The following MARK4 variants were observed in gnomAD, a reference collection of about 807,000 sequenced individuals.
MARK4 encodes microtubule affinity regulating kinase 4.
In MARK4, 19 loss-of-function variants were observed where a neutral mutation model predicts 81.5. The ratio of observed to expected loss-of-function variants is 0.23; its 90% CI spans 0.16 to 0.34. The LOEUF is 0.34. Ranked by LOEUF, MARK4 falls within the 10% of genes least tolerant of loss-of-function variation. The pLI is 1.00. For missense variants in MARK4, 772 were observed against 1,058.8 expected, an observed-to-expected ratio of 0.73 and a Z score of 3.76; for synonymous variants, 436 against 439.0, an observed-to-expected ratio of 0.99 and a Z score of 0.08.
chr19:45,263,232 C>T (rs542296675), intron 3 of MARK4, 66 bp downstream of exon 3: 2 of 1,613,554 alleles, frequency 1.2e-6, no homozygotes, highest in South Asian at 1.1e-5. Context: ...ACCCACCTGA[C>T]CCTTCCTGCG....
At chr19:45,289,783 A>G (rs1015490786) in intron 13 of MARK4, among the ~76,000 whole-genome samples, 4 of 151,768 alleles carry the variant, frequency 2.6e-5, no homozygotes, top group African/African-American at 9.7e-5. Context: ...ACAAAACAAA[A>G]CAAAACAAAA....
intron 1 of MARK4, among the ~76,000 whole-genome samples, chr19:45,255,640 T>C (rs899500511): frequency 6.6e-6 from 1 of 151,796 alleles, no homozygotes. Context: ...TTTCCCCACC[T>C]GTAAAATGGA....
chr19:45,281,367 CTT>C (rs71173137), intron 12 of MARK4, among the ~76,000 whole-genome samples: 1 of 132,052 alleles, frequency 7.6e-6, no homozygotes, highest in Non-Finnish European at 1.6e-5. Flanking sequence ...TCTTTTCTTT[CTT>C]TTTTTTTTTG....
At chr19:45,273,300 C>G (rs539947515) in intron 8 of MARK4, among the ~76,000 whole-genome samples, 1 of 152,266 alleles carries the variant, frequency 6.6e-6, no homozygotes, top group African/African-American at 2.4e-5. Context: ...TCTTTGCTGC[C>G]CTCATCGGCA....
chr19:45,277,433 A>T (rs967790581), intron 8 of MARK4, among the ~76,000 whole-genome samples: 23 of 131,836 alleles, frequency 1.7e-4, no homozygotes, highest in Non-Finnish European at 2.7e-4. Flanking sequence ...TGTAGCTTAA[A>T]TTTTTTTTTT....
At chr19:45,252,162 C>G (rs1463673133) in intron 1 of MARK4, among the ~76,000 whole-genome samples, 1 of 151,962 alleles carries the variant, frequency 6.6e-6, no homozygotes, top group Non-Finnish European at 1.5e-5. Context: ...CCCTCCAGGA[C>G]GCACCCAGGG....
chr19:45,262,810 G>A (rs2123036545), intron 2 of MARK4, among the ~76,000 whole-genome samples: 1 of 152,332 alleles, frequency 6.6e-6, no homozygotes, highest in South Asian at 2.1e-4. Context: ...AGCTGGGCCA[G>A]CTGGAGTGCA....
At chr19:45,296,863 A>G (rs1970894055) in intron 14 of MARK4, among the ~76,000 whole-genome samples, 1 of 152,162 alleles carries the variant, frequency 6.6e-6, no homozygotes, top group African/African-American at 2.4e-5. Flanking sequence ...CAGCCTGGCC[A>G]ACATGGTGAA....
intron 2 of MARK4, among the ~76,000 whole-genome samples, chr19:45,262,698 G>A (rs528875214): frequency 1.3e-5 from 2 of 152,220 alleles, no homozygotes; most frequent in African/African-American, 4.8e-5. Context: ...GACAGCTTGT[G>A]CAAAGGCCCT....
intron 1 of MARK4, among the ~76,000 whole-genome samples, chr19:45,254,726 T>G (rs964212376): frequency 6.6e-5 from 10 of 152,188 alleles, no homozygotes; most frequent in Admixed American, 1.3e-4. Flanking sequence ...TGCCCAGCTG[T>G]GGGGAGGTTG....
chr19:45,272,533 A>G (rs535750680), intron 8 of MARK4, among the ~76,000 whole-genome samples: 18 of 152,176 alleles, frequency 1.2e-4, no homozygotes, highest in Non-Finnish European at 1.9e-4. Flanking sequence ...GGGAGGAGCA[A>G]GTTGGAGGTT....
intron 12 of MARK4, among the ~76,000 whole-genome samples, chr19:45,285,014 C>T (rs537990288): frequency 6.6e-6 from 1 of 152,176 alleles, no homozygotes; most frequent in African/African-American, 2.4e-5. Context: ...TTGCTGGAAC[C>T]CGGGAGGCAG....
At chr19:45,287,379 A>G (rs1468370141) in intron 12 of MARK4, 68 bp from the exon 13 acceptor site, 8 of 1,138,816 alleles carry the variant, frequency 7.0e-6, no homozygotes, top group Middle Eastern at 2.8e-4. Flanking sequence ...TCAGGTTCCA[A>G]CGATCCCCCA....
chr19:45,256,100 A>T (rs1176606073), intron 1 of MARK4, among the ~76,000 whole-genome samples: 1 of 152,192 alleles, frequency 6.6e-6, no homozygotes, highest in African/African-American at 2.4e-5. Context: ...TTCCCATGGA[A>T]GGAGGATAAC....
chr19:45,289,142 C>G (rs932157436), intron 13 of MARK4, among the ~76,000 whole-genome samples: 2 of 152,156 alleles, frequency 1.3e-5, no homozygotes, highest in Non-Finnish European at 2.9e-5. Flanking sequence ...ATAATCCCAG[C>G]ACTTTGGGAG....
chr19:45,280,824 C>G, intron 12 of MARK4, 90 bp downstream of exon 12: 1 of 1,536,106 alleles, frequency 6.5e-7, no homozygotes, highest in Non-Finnish European at 8.9e-7. Flanking sequence ...TGGCAAGCAA[C>G]AGAAACCCAC....
chr19:45,257,330 A>G (rs1392459834), intron 1 of MARK4, among the ~76,000 whole-genome samples: 4 of 151,110 alleles, frequency 2.6e-5, no homozygotes, highest in Non-Finnish European at 5.9e-5. Context: ...CTGTAATGCT[A>G]TTATTGCACA....
intron 8 of MARK4, among the ~76,000 whole-genome samples, chr19:45,274,459 C>T (rs935353588): frequency 9.2e-5 from 14 of 151,682 alleles, no homozygotes; most frequent in Non-Finnish European, 1.8e-4. Context: ...GGTAAAACCC[C>T]GTCTCTACCA....
Position 45,299,841 on chromosome 19 carries a change from A to C in MARK4, c.1908A>C (p.Gly636=). The change falls in exon 16 of 17, where the codon GGA becomes GGC. Residue 636 remains glycine (G), a synonymous_variant. Coordinates refer to ENST00000262891, the MANE Select transcript of MARK4 (RefSeq NM_001199867.2). ...CAGACGAACCTGAGAGAATCGGGGG[A>C]CCTGAGGTCACAAGGTGAGTGCTTG... The part of the protein sequence containing the change: ...RVADEPERIG[G]PEVTSCHLPW... The C allele has an allele frequency of 1.2e-6, 2 of 1,604,466 alleles. No homozygotes were observed. Among genetic ancestry groups the C allele is most frequent in the Non-Finnish European group, 8.5e-7 (1 of 1,173,754 alleles).
Sources: allele counts gnomAD v4.1 joint callset (sites outside exome capture counted in the v4.1 genomes callset), GRCh38; gene constraint gnomAD v4.1.1; transcripts MANE v1.5; gene names NCBI Gene and HGNC (gene_info 2026-07-23, HGNC 2026-07-21).